OGFRL1: variants seen among roughly 807,000 people sequenced by gnomAD.
The protein encoded by OGFRL1 is opioid growth factor receptor-like protein 1.
A neutral mutation model predicts 32.4 loss-of-function variants in OGFRL1; 26 were observed. That is an observed-to-expected ratio of 0.80 (90% CI 0.59 to 1.11). OGFRL1 has a LOEUF of 1.11. OGFRL1 is among the 50% of genes most tolerant of loss of function. The pLI, the probability that OGFRL1 is intolerant of heterozygous loss-of-function variation, is 0.00. For missense variants in OGFRL1, 521 were observed against 546.4 expected (o/e 0.95, Z 0.46); for synonymous variants, 211 against 201.2 (o/e 1.05, Z -0.41).
intron 1 of OGFRL1, among the ~76,000 whole-genome samples, chr6:71,290,756 C>T (rs971258146): frequency 6.6e-6 from 1 of 152,216 alleles, no homozygotes; most frequent in African/African-American, 2.4e-5. Context: ...GACTCCTTCA[C>T]ACCACTTCCA....
Position 71,301,591 on chromosome 6 carries a change from GC to G in OGFRL1, c.901del (p.Gln301ArgfsTer58). On this transcript the variant is annotated frameshift_variant, in exon 7 of 7. Transcript: ENST00000370435. LOFTEE classifies it low-confidence loss of function (END_TRUNC). The part of the protein sequence containing the change: ...RRERRKLLRF[A>X]QKHYTPSENF... ...AGAAAGGAGAAAGCTCCTGCGGTTC[GC>G]CCAGAAACACTACACGCCTTCAGAG... The G allele has an allele frequency of 6.2e-7, 1 of 1,614,092 alleles. No individual in the cohort carries two copies. Among genetic ancestry groups the G allele is most frequent in the South Asian group, 1.1e-5 (1 of 91,070 alleles).
rs1441334420 is a variant in OGFRL1 at position 71,303,414 on chromosome 6, A to C, written c.*1365A>C. On this transcript the variant is annotated 3_prime_UTR_variant, in exon 7 of 7. Transcript: ENST00000370435. ...AGATTTTGCTTTGTTTAAATTAATA[A>C]CTGTTTTCAGAATTAAGTGCTTAAA... 1.3e-5 allele frequency: 2 copies of C among 152,194 alleles called. No individual in the cohort carries two copies. The highest frequency in any genetic ancestry group is 2.9e-5 in the Non-Finnish European group (2 of 68,030). The allele number at this position is 152,194 out of a possible 1,614,324, so 9.4% of individuals were successfully genotyped here.
At position 71,296,171 on chromosome 6, in the gene OGFRL1, G is replaced by T. The variant is rs1192219002; in HGVS notation, c.401-146G>T. ...TCACATAACCGAATATATGGGCATA[G>T]GGTATTCATCTTTTTAAAAGCACTA... On this transcript the variant is annotated intron_variant, in intron 3 of 6. Transcript: ENST00000370435. 1.2e-5 allele frequency: 7 copies of T among 589,044 alleles called. No individual in the cohort carries two copies. The Admixed American group carries it at 1.6e-4, about 13-fold the overall frequency. 36.5% of individuals were successfully genotyped at this position (589,044 alleles called of 1,614,324 possible). A position where few individuals can be genotyped will look rare whatever the true frequency, so the allele number is the denominator to read the frequency against.
At position 71,307,561 on chromosome 6, in the gene OGFRL1, A is replaced by G. The variant is rs1766590841; in HGVS notation, c.*5512A>G. 6.6e-6 allele frequency: 1 copy of G among 152,188 alleles called. No individual in the cohort carries two copies. Among genetic ancestry groups the G allele is most frequent in the Non-Finnish European group, 1.5e-5 (1 of 68,032 alleles). 9.4% of individuals were successfully genotyped at this position (152,188 alleles called of 1,614,324 possible). A position where few individuals can be genotyped will look rare whatever the true frequency, so the allele number is the denominator to read the frequency against. On this transcript the variant is annotated 3_prime_UTR_variant, in exon 7 of 7. Transcript: ENST00000370435. ...TTCATTCACAGCTGTATATTAATATAAAATCTCTTTATAAAATGATTCAGA... is the reference window on the plus strand; with the variant it reads ...TTCATTCACAGCTGTATATTAATATGAAATCTCTTTATAAAATGATTCAGA...
rs1341259718 is a variant in OGFRL1 at position 71,306,511 on chromosome 6, T to G, written c.*4462T>G. Reference sequence around the variant, plus strand: ...CTTAACAAATGTAAATGGTTTTCATTCAGAAGTTTACATTTTTATTACATT... The same window carrying G: ...CTTAACAAATGTAAATGGTTTTCATGCAGAAGTTTACATTTTTATTACATT... On this transcript the variant is annotated 3_prime_UTR_variant, in exon 7 of 7. Coordinates refer to ENST00000370435, the MANE Select transcript of OGFRL1 (RefSeq NM_024576.5). 6.6e-6 allele frequency: 1 copy of G among 152,224 alleles called. No homozygotes were observed. Among genetic ancestry groups the G allele is most frequent in the African/African-American group, 2.4e-5 (1 of 41,460 alleles). 9.4% of individuals were successfully genotyped at this position (152,224 alleles called of 1,614,324 possible). A position where few individuals can be genotyped will look rare whatever the true frequency, so the allele number is the denominator to read the frequency against.
At chr6:71,289,427 A>T (rs1002567337) in intron 1 of OGFRL1, 4 of 985,040 alleles carry the variant, frequency 4.1e-6, no homozygotes, top group Non-Finnish European at 4.8e-6. Flanking sequence ...TCAAGGCAGA[A>T]CCCAACTTGA....
intron 6 of OGFRL1, among the ~76,000 whole-genome samples, chr6:71,299,983 A>G (rs1173427824): frequency 1.3e-5 from 2 of 152,194 alleles, no homozygotes; most frequent in Non-Finnish European, 2.9e-5. Flanking sequence ...TGTCCAAAGA[A>G]ACTTTCTCAT....
At chr6:71,291,879 A>G (rs1766061364) in intron 1 of OGFRL1, 1 of 152,184 alleles carries the variant, frequency 6.6e-6, no homozygotes, top group African/African-American at 2.4e-5. Context: ...AGTGTGACTG[A>G]GATTGATTCA....
intron 6 of OGFRL1, among the ~76,000 whole-genome samples, chr6:71,299,916 C>A (rs1336425195): frequency 1.3e-5 from 2 of 152,140 alleles, no homozygotes; most frequent in Admixed American, 6.6e-5. Context: ...AGATGATGAA[C>A]TGTTGGGCTT....
intron 1 of OGFRL1, among the ~76,000 whole-genome samples, chr6:71,292,386 T>C (rs1226171308): frequency 1.3e-5 from 2 of 152,226 alleles, no homozygotes; most frequent in Non-Finnish European, 2.9e-5. Context: ...TCAACACAGA[T>C]GGAGGACAGG....
At position 71,296,505 on chromosome 6, in the gene OGFRL1, C is replaced by G; in HGVS notation, c.490C>G (p.Leu164Val). 1 of 1,609,500 alleles carries G rather than the reference C, an allele frequency of 6.2e-7. No individual in the cohort carries two copies. Among genetic ancestry groups the G allele is most frequent in the South Asian group, 1.1e-5 (1 of 89,626 alleles). The change falls in exon 5 of 7, where the codon CTG becomes GTG. Residue 164 changes from leucine (L) to valine (V), a missense_variant. Transcript: ENST00000370435. ...NHTYIQWLFP[L>V]REQGLNFYAK... The stretch of plus-strand genomic sequence containing the variant: ...TTTTAAAATAAATAGGCTTTTCCCC[C>G]TGAGAGAACAAGGCTTGAACTTCTA...
At chr6:71,296,900 C>G in intron 6 of OGFRL1, 83 bp downstream of exon 6, 2 of 1,469,732 alleles carry the variant, frequency 1.4e-6, no homozygotes, top group Non-Finnish European at 1.8e-6. Flanking sequence ...GCAGGAACAA[C>G]TAGCAGATGA....
chr6:71,290,739 C>G (rs1186126833), intron 1 of OGFRL1, among the ~76,000 whole-genome samples: 1 of 152,134 alleles, frequency 6.6e-6, no homozygotes, highest in African/African-American at 2.4e-5. Flanking sequence ...AAAGCGTATC[C>G]CAGACTGACT....
In OGFRL1 at chr6:71,296,491, A is replaced by G. The variant is rs1416690172; in HGVS notation, c.480-4A>G. On this transcript the variant is annotated splice_region_variant and splice_polypyrimidine_tract_variant and intron_variant, in intron 4 of 6. Coordinates refer to ENST00000370435, the MANE Select transcript of OGFRL1 (RefSeq NM_024576.5). ...GAAAAATTTTATTTTTTTAAAATAA[A>G]TAGGCTTTTCCCCCTGAGAGAACAA... 3 of 1,604,240 alleles carry G rather than the reference A, an allele frequency of 1.9e-6. No individual in the cohort carries two copies. Among genetic ancestry groups the G allele is most frequent in the East Asian group, 2.2e-5 (1 of 44,638 alleles).
chr6:71,294,734 A>G (rs1766150076), intron 3 of OGFRL1, among the ~76,000 whole-genome samples: 1 of 152,186 alleles, frequency 6.6e-6, no homozygotes. Flanking sequence ...GTGCTGCTTT[A>G]TTTACTAATG....
In OGFRL1 at chr6:71,305,144, ATTG is replaced by A. The variant is rs1243392512; in HGVS notation, c.*3100_*3102del. Reference sequence around the variant, plus strand: ...GAATCTTTACAAATATATAATCTTTATTGTTGTACTGTGGAGTGCAAGGATACT... The same window carrying A: ...GAATCTTTACAAATATATAATCTTTATTGTACTGTGGAGTGCAAGGATACT... On this transcript the variant is annotated 3_prime_UTR_variant, in exon 7 of 7. Coordinates refer to ENST00000370435, the MANE Select transcript of OGFRL1 (RefSeq NM_024576.5). 2.6e-5 allele frequency: 4 copies of A among 152,036 alleles called. No individual in the cohort carries two copies. The highest frequency in any genetic ancestry group is 4.8e-5 in the African/African-American group (2 of 41,448). 9.4% of individuals were successfully genotyped at this position (152,036 alleles called of 1,614,324 possible).
chr6:71,307,838 G>GA lies in OGFRL1; in HGVS notation c.*5792dup, dbSNP rs1766601100. The GA allele has an allele frequency of 6.6e-6, 1 of 152,078 alleles. No homozygotes were observed. The highest frequency in any genetic ancestry group is 2.1e-4 in the South Asian group (1 of 4,822). The allele number at this position is 152,078 out of a possible 1,614,324, so 9.4% of individuals were successfully genotyped here. Reference sequence around the variant, plus strand: ...ATGTGAAGAAAAATAAAATACAAATGAAATAAAAGTCTAGAAACAGCAACA... The same window carrying GA: ...ATGTGAAGAAAAATAAAATACAAATGAAAATAAAAGTCTAGAAACAGCAACA... On this transcript the variant is annotated 3_prime_UTR_variant, in exon 7 of 7. Coordinates refer to ENST00000370435, the MANE Select transcript of OGFRL1 (RefSeq NM_024576.5).
rs1582560271 is a variant in OGFRL1 at position 71,301,267 on chromosome 6, T to C, written c.693-119T>C. The C allele has an allele frequency of 2.3e-5, 20 of 856,680 alleles. 1 individual carries two copies. The East Asian group carries it at 4.9e-4, about 21-fold the overall frequency. 53.1% of individuals were successfully genotyped at this position (856,680 alleles called of 1,614,324 possible). A position where few individuals can be genotyped will look rare whatever the true frequency, so the allele number is the denominator to read the frequency against. On this transcript the variant is annotated intron_variant, in intron 6 of 6. Coordinates refer to ENST00000370435, the MANE Select transcript of OGFRL1 (RefSeq NM_024576.5). ...TATCAAATATGGCATTAGGAAGTCA[T>C]TACACAGCATATTTCCATGGCTTAC...
At chr6:71,298,369 T>G (rs1237879406) in intron 6 of OGFRL1, among the ~76,000 whole-genome samples, 2 of 152,186 alleles carry the variant, frequency 1.3e-5, no homozygotes, top group Non-Finnish European at 2.9e-5. Context: ...AAGGATTTGA[T>G]AGTACCTCAT....
Sources: allele counts gnomAD v4.1 joint callset (sites outside exome capture counted in the v4.1 genomes callset), GRCh38; gene constraint gnomAD v4.1.1; transcripts MANE v1.5; gene names NCBI Gene and HGNC (gene_info 2026-07-23, HGNC 2026-07-21).